MDFIC: variants seen among roughly 807,000 people sequenced by gnomAD.
The protein encoded by MDFIC is myoD family inhibitor domain-containing protein.
Under a neutral mutation model 23.2 loss-of-function variants are expected in MDFIC, and 17 were observed. The observed-to-expected ratio is 0.73, with a 90% CI of 0.50 to 1.10. MDFIC has a LOEUF of 1.10. Among genes scored for constraint, MDFIC ranks in the 50% least tolerant of loss-of-function variants. MDFIC has a pLI of 0.00. For missense variants in MDFIC, 356 were observed against 316.6 expected, an observed-to-expected ratio of 1.12 and a Z score of -0.95; for synonymous variants, 120 against 115.2, an observed-to-expected ratio of 1.04 and a Z score of -0.27.
At chr7:114,974,414 A>G (rs1042615369) in intron 3 of MDFIC, among the ~76,000 whole-genome samples, 1 of 152,110 alleles carries the variant, frequency 6.6e-6, no homozygotes, top group African/African-American at 2.4e-5. Flanking sequence ...AAAGTCATTT[A>G]GATTTACACC....
chr7:114,996,379 C>G (rs1791329783), intron 4 of MDFIC, among the ~76,000 whole-genome samples: 1 of 152,076 alleles, frequency 6.6e-6, no homozygotes, highest in Non-Finnish European at 1.5e-5. Flanking sequence ...AAGGATGACT[C>G]CAAGTTTCTG....
intron 2 of MDFIC, chr7:114,923,361 T>C: frequency 3.8e-6 from 5 of 1,323,186 alleles, no homozygotes; most frequent in Non-Finnish European, 5.2e-6. Context: ...CTTCCTTTGG[T>C]TGCGAAGAAA....
chr7:114,974,706 C>T (rs757549273), intron 3 of MDFIC, among the ~76,000 whole-genome samples: 4 of 151,996 alleles, frequency 2.6e-5, no homozygotes, highest in Non-Finnish European at 4.4e-5. Context: ...TACAATATCA[C>T]CAGTTTTTTA....
chr7:114,977,239 G>T (rs1032102045), intron 3 of MDFIC, among the ~76,000 whole-genome samples: 6 of 151,982 alleles, frequency 3.9e-5, no homozygotes, highest in African/African-American at 1.5e-4. Context: ...GATAACTTTT[G>T]GGGGGCATCA....
chr7:115,001,948 C>A (rs2116084518), intron 4 of MDFIC, among the ~76,000 whole-genome samples: 1 of 152,244 alleles, frequency 6.6e-6, no homozygotes, highest in Admixed American at 6.5e-5. Context: ...CCGAGCCTGG[C>A]CAACATGGCT....
chr7:114,924,995 G>A (rs1201473821), intron 2 of MDFIC, among the ~76,000 whole-genome samples: 2 of 152,054 alleles, frequency 1.3e-5, no homozygotes, highest in Non-Finnish European at 2.9e-5. Flanking sequence ...TCTGTCCTTG[G>A]ATTCTTTATC....
intron 2 of MDFIC, among the ~76,000 whole-genome samples, chr7:114,929,979 A>G (rs1214860349): frequency 6.6e-6 from 1 of 152,218 alleles, no homozygotes; most frequent in Non-Finnish European, 1.5e-5. Context: ...ATTTGATGTG[A>G]AAATGAATAT....
Position 114,937,922 on chromosome 7 carries a change from G to T in MDFIC, c.95-4353G>T, listed in dbSNP as rs996147351. ...ACATATTTCTTTTATCCCATTATTA[G>T]TAGAATTGATTAGCATTATATATAA... On this transcript the variant is annotated intron_variant, in intron 2 of 4. Transcript: ENST00000393486. Among the ~76,000 whole-genome samples, 246 of 152,142 alleles carry T rather than the reference G, an allele frequency of 1.6e-3. 1 individual carries two copies. Among genetic ancestry groups the T allele is most frequent in the African/African-American group, 5.5e-3 (230 of 41,494 alleles).
intron 4 of MDFIC, among the ~76,000 whole-genome samples, chr7:115,009,652 G>T (rs1420141752): frequency 6.6e-6 from 1 of 152,210 alleles, no homozygotes; most frequent in Non-Finnish European, 1.5e-5. Flanking sequence ...GTTTAATTCA[G>T]TTCCAATTGT....
chr7:114,987,684 GGA>G (rs1438535214), intron 4 of MDFIC, among the ~76,000 whole-genome samples: 1 of 152,140 alleles, frequency 6.6e-6, no homozygotes, highest in African/African-American at 2.4e-5. Flanking sequence ...AATACAATGA[GGA>G]GTGTGTGTAT....
chr7:114,956,388 T>C (rs900478421), intron 3 of MDFIC, among the ~76,000 whole-genome samples: 2 of 151,434 alleles, frequency 1.3e-5, no homozygotes, highest in Non-Finnish European at 2.9e-5. Flanking sequence ...CACATATATA[T>C]ACACACATAT....
chr7:115,010,240 C>G lies in MDFIC; in HGVS notation c.494-5448C>G, dbSNP rs146238829. Among the ~76,000 whole-genome samples the G allele has an allele frequency of 9.3e-4, 142 of 152,166 alleles. 1 individual carries two copies. The highest frequency in any genetic ancestry group is 7.5e-4 in the Non-Finnish European group (51 of 68,006). The stretch of plus-strand genomic sequence containing the variant: ...ATTGTGCCTTTTATGACTCTTGATT[C>G]CTGTTGGCAGTGGTAGGAATAGGAA... On this transcript the variant is annotated intron_variant, in intron 4 of 4. Coordinates refer to ENST00000393486, the MANE Select transcript of MDFIC (RefSeq NM_001166345.3).
chr7:114,970,943 T>G (rs1264569072), intron 3 of MDFIC, among the ~76,000 whole-genome samples: 1 of 152,182 alleles, frequency 6.6e-6, no homozygotes, highest in Non-Finnish European at 1.5e-5. Context: ...CAAGCATGAC[T>G]TTTTGAAATG....
In MDFIC at chr7:115,012,735, C is replaced by T. The variant is rs372357879; in HGVS notation, c.494-2953C>T. 5.9e-5 allele frequency among the ~76,000 whole-genome samples: 9 copies of T among 152,122 alleles called. No individual in the cohort carries two copies. In the South Asian group the frequency reaches 1.5e-3, roughly 25 times the overall value. ...GCTCAGACCTGTAATCCCAGCACTTCGGGAGGCCAAGGCAGGTGGGTCACC... is the reference window on the plus strand; with the variant it reads ...GCTCAGACCTGTAATCCCAGCACTTTGGGAGGCCAAGGCAGGTGGGTCACC... On this transcript the variant is annotated intron_variant, in intron 4 of 4. Transcript: ENST00000393486.
intron 3 of MDFIC, among the ~76,000 whole-genome samples, chr7:114,977,935 G>T (rs1793347679): frequency 6.9e-6 from 1 of 145,678 alleles, no homozygotes. Flanking sequence ...TATTATATAT[G>T]TATTATATAA....
intron 4 of MDFIC, among the ~76,000 whole-genome samples, chr7:114,983,471 T>C (rs373069975): frequency 1.3e-5 from 2 of 152,048 alleles, no homozygotes; most frequent in African/African-American, 2.4e-5. Context: ...CCAGCCATAA[T>C]TGAGTCTGTG....
At chr7:114,975,722 T>C (rs1353716774) in intron 3 of MDFIC, among the ~76,000 whole-genome samples, 1 of 152,102 alleles carries the variant, frequency 6.6e-6, no homozygotes, top group East Asian at 1.9e-4. Flanking sequence ...ACCATAAGAT[T>C]CAAGTCATAC....
At chr7:114,944,371 A>C (rs1792605012) in intron 3 of MDFIC, among the ~76,000 whole-genome samples, 1 of 152,198 alleles carries the variant, frequency 6.6e-6, no homozygotes, top group Non-Finnish European at 1.5e-5. Context: ...TTGTGGGTGA[A>C]ATCTGACTCT....
intron 4 of MDFIC, among the ~76,000 whole-genome samples, chr7:115,007,582 T>C (rs1791593955): frequency 6.7e-6 from 1 of 148,656 alleles, no homozygotes; most frequent in South Asian, 2.2e-4. Context: ...CTTCTAAGAA[T>C]CAAAATATTT....
Sources: gnomAD v4.1 joint callset for allele counts (sites outside exome capture counted in the v4.1 genomes callset) on GRCh38, gnomAD v4.1.1 for gene constraint, MANE v1.5 for transcripts, NCBI Gene and HGNC (gene_info 2026-07-23, HGNC 2026-07-21) for gene names.